Variants in STAM observed in about 807,000 individuals in gnomAD.
STAM encodes signal transducing adapter molecule 1.
In STAM, 16 loss-of-function variants were observed where a neutral mutation model predicts 63.4. The ratio of observed to expected loss-of-function variants is 0.25; its 90% confidence interval spans 0.17 to 0.38. STAM has a LOEUF of 0.38. Among genes scored for constraint, STAM ranks in the 10% least tolerant of loss-of-function variants. The pLI is 1.00. For synonymous variants in STAM, 238 were observed against 223.9 expected (o/e 1.06, Z -0.56); for missense variants, 636 against 657.1 (o/e 0.97, Z 0.35).
chr10:17,653,920 G>GT (rs1459927896), intron 1 of STAM, among the ~76,000 whole-genome samples: 1 of 152,122 alleles, frequency 6.6e-6, no homozygotes, highest in Non-Finnish European at 1.5e-5. Flanking sequence ...AACTCTAATT[G>GT]TAAGTATAGT....
intron 1 of STAM, among the ~76,000 whole-genome samples, chr10:17,644,660 G>T (rs1344666980): frequency 6.6e-6 from 1 of 152,212 alleles, no homozygotes; most frequent in East Asian, 1.9e-4. Flanking sequence ...GGAGCAGCTG[G>T]TGTAGCATCT....
At chr10:17,702,963 C>A (rs373595036) in intron 9 of STAM, among the ~76,000 whole-genome samples, 1 of 129,822 alleles carries the variant, frequency 7.7e-6, no homozygotes, top group African/African-American at 2.9e-5. Flanking sequence ...GAGCCAAGAT[C>A]ATGCCACTGC....
intron 1 of STAM, among the ~76,000 whole-genome samples, chr10:17,659,961 T>C (rs1393082790): frequency 6.6e-6 from 1 of 152,154 alleles, no homozygotes; most frequent in Non-Finnish European, 1.5e-5. Context: ...GCAGTTATTT[T>C]CTCTGAACAC....
chr10:17,648,525 G>A (rs782750157), intron 1 of STAM, among the ~76,000 whole-genome samples: 3 of 152,080 alleles, frequency 2.0e-5, no homozygotes, highest in Non-Finnish European at 4.4e-5. Context: ...CTTTGGGTCC[G>A]TGCTACCTTT....
intron 8 of STAM, among the ~76,000 whole-genome samples, chr10:17,699,481 G>C (rs1835897698): frequency 6.6e-6 from 1 of 152,196 alleles, no homozygotes; most frequent in South Asian, 2.1e-4. Flanking sequence ...CTACTGTTAT[G>C]TTAAATTGTT....
At chr10:17,673,814 C>T (rs1378839562) in intron 2 of STAM, among the ~76,000 whole-genome samples, 3 of 152,204 alleles carry the variant, frequency 2.0e-5, no homozygotes, top group Admixed American at 6.5e-5. Flanking sequence ...ACTCCCTAAG[C>T]GTTAACTATT....
chr10:17,685,736 C>T (rs1435823254), intron 4 of STAM, among the ~76,000 whole-genome samples: 3 of 152,052 alleles, frequency 2.0e-5, no homozygotes, highest in Non-Finnish European at 4.4e-5. Context: ...GGTCACAGAG[C>T]GGGACAAGGC....
intron 2 of STAM, among the ~76,000 whole-genome samples, chr10:17,683,680 A>G (rs1392642301): frequency 1.3e-5 from 2 of 151,760 alleles, no homozygotes; most frequent in Admixed American, 6.6e-5. Flanking sequence ...ATATTTCTTC[A>G]TCATTATGTG....
At chr10:17,652,196 T>C (rs1298919421) in intron 1 of STAM, among the ~76,000 whole-genome samples, 1 of 152,218 alleles carries the variant, frequency 6.6e-6, no homozygotes, top group Non-Finnish European at 1.5e-5. Flanking sequence ...TAGTTTTGAC[T>C]TCATTTGCTA....
chr10:17,701,272 AAAAT>A (rs201090513), intron 9 of STAM, among the ~76,000 whole-genome samples: 82 of 127,660 alleles, frequency 6.4e-4, no homozygotes, highest in Non-Finnish European at 1.2e-3. Flanking sequence ...TGTTTATGAA[AAAAT>A]AAAAAGTATG....
rs782564535 is a variant in STAM at position 17,660,532 on chromosome 10, G to A, written c.109G>A (p.Gly37Ser). The change falls in exon 2 of 14, where the codon GGT (glycine) becomes AGT (serine). Residue 37 changes from glycine (G) to serine (S), a missense_variant. This residue lies in a region of STAM where 87 missense variants were observed against 80.3 expected (regional missense o/e 1.08). Transcript: ENST00000377524. ...GLILDICDKVGQSRTGPKDCL... is the reference protein window; with the variant it reads ...GLILDICDKVSQSRTGPKDCL... Reference sequence around the variant, plus strand: ...CATTTTGGATATCTGTGATAAAGTTGGTCAGTCTCGCACTGGGTAAGTATT... The same window carrying A: ...CATTTTGGATATCTGTGATAAAGTTAGTCAGTCTCGCACTGGGTAAGTATT... The A allele has an allele frequency of 5.0e-6, 8 of 1,604,290 alleles. No homozygotes were observed. In the East Asian group the frequency reaches 6.8e-5, roughly 14 times the overall value.
In STAM at chr10:17,687,736, G is replaced by A. The variant is rs1258632764; in HGVS notation, c.298-291G>A. ...TTGCAAAAAGCAGACACTTTTCCTT[G>A]TCTTACTGATGTACAAACCTTGCTT... On this transcript the variant is annotated intron_variant, in intron 4 of 13. Coordinates refer to ENST00000377524, the MANE Select transcript of STAM (RefSeq NM_003473.4). 3.3e-5 allele frequency among the ~76,000 whole-genome samples: 5 copies of A among 152,150 alleles called. No homozygotes were observed. The East Asian group carries it at 9.7e-4, about 29-fold the overall frequency.
chr10:17,663,881 A>G (rs1302634298), intron 2 of STAM, among the ~76,000 whole-genome samples: 1 of 152,044 alleles, frequency 6.6e-6, no homozygotes, highest in Non-Finnish European at 1.5e-5. Flanking sequence ...ATAATCTCAT[A>G]TTAGGAAATG....
intron 2 of STAM, among the ~76,000 whole-genome samples, chr10:17,684,165 CAGA>C (rs1285440415): frequency 6.6e-6 from 1 of 152,160 alleles, no homozygotes; most frequent in Non-Finnish European, 1.5e-5. Flanking sequence ...GTGGGTTTTT[CAGA>C]AGGTCTTCAC....
At chr10:17,650,337 G>T (rs1313098158) in intron 1 of STAM, among the ~76,000 whole-genome samples, 1 of 152,222 alleles carries the variant, frequency 6.6e-6, no homozygotes, top group Admixed American at 6.5e-5. Flanking sequence ...TCATGCGGAT[G>T]CTATGAGGAT....
chr10:17,686,151 A>G (rs1420280431), intron 4 of STAM, among the ~76,000 whole-genome samples: 1 of 152,152 alleles, frequency 6.6e-6, no homozygotes, highest in African/African-American at 2.4e-5. Context: ...TAATTAATAA[A>G]CATTGTCTTT....
chr10:17,700,989 C>CTTTT (rs1554828364), intron 9 of STAM, among the ~76,000 whole-genome samples: 24 of 152,270 alleles, frequency 1.6e-4, no homozygotes, highest in African/African-American at 5.8e-4. Flanking sequence ...AAAGCTTACG[C>CTTTT]TAATTTTATA....
rs187188055 is a variant in STAM at position 17,680,632 on chromosome 10, C to T, written c.126-4043C>T. Reference sequence around the variant, plus strand: ...ATATTGCCCAGGCTGGTCTCACACTCCTTGGCTGGAGCAATCCTTCCACCT... The same window carrying T: ...ATATTGCCCAGGCTGGTCTCACACTTCTTGGCTGGAGCAATCCTTCCACCT... On this transcript the variant is annotated intron_variant, in intron 2 of 13. Transcript: ENST00000377524. 5.4e-3 allele frequency among the ~76,000 whole-genome samples: 824 copies of T among 152,234 alleles called. 2 individuals carry two copies. The highest frequency in any genetic ancestry group is 8.9e-3 in the Non-Finnish European group (602 of 68,010).
chr10:17,707,131 C>T (rs906974821), intron 12 of STAM, among the ~76,000 whole-genome samples: 14 of 152,136 alleles, frequency 9.2e-5, no homozygotes, highest in Non-Finnish European at 1.6e-4. Flanking sequence ...AGATACTGGC[C>T]GGGTGCGGTG....
Sources: allele counts gnomAD v4.1 joint callset (sites outside exome capture counted in the v4.1 genomes callset), GRCh38; gene constraint gnomAD v4.1.1; regional missense constraint gnomAD v4.1.1; transcripts MANE v1.5; gene names NCBI Gene and HGNC (gene_info 2026-07-23, HGNC 2026-07-21).